The following DDX24 variants were observed in gnomAD, a reference collection of about 807,000 sequenced individuals.
The protein encoded by DDX24 is ATP-dependent RNA helicase DDX24.
A neutral mutation model predicts 68.9 loss-of-function variants in DDX24; 24 were observed. The observed-to-expected ratio is 0.35, with a 90% CI of 0.25 to 0.49. The LOEUF (loss-of-function observed/expected upper bound fraction) is 0.49. DDX24 is among the 20% of genes least tolerant of loss of function. DDX24 has a pLI of 0.99. For synonymous variants in DDX24, 395 were observed against 385.2 expected (o/e 1.03, Z -0.30); for missense variants, 989 against 1,039.0 (o/e 0.95, Z 0.66).
intron 6 of DDX24, chr14:94,056,344 G>C (rs911889520): frequency 6.6e-6 from 1 of 152,214 alleles, no homozygotes; most frequent in Non-Finnish European, 1.5e-5. Context: ...GCCAAGGCAG[G>C]ATTAGAAGGT....
At chr14:94,076,815 T>C (rs1885950676) in intron 2 of DDX24, among the ~76,000 whole-genome samples, 1 of 152,074 alleles carries the variant, frequency 6.6e-6, no homozygotes, top group South Asian at 2.1e-4. Context: ...AGGGTATCTT[T>C]TTGGGGGTAA....
intron 2 of DDX24, among the ~76,000 whole-genome samples, chr14:94,066,916 A>G (rs563784039): frequency 6.6e-6 from 1 of 152,332 alleles, no homozygotes; most frequent in Non-Finnish European, 1.5e-5. Context: ...GTAATATGAC[A>G]AAACAAGGCT....
At chr14:94,061,632 G>A (rs980573045) in intron 3 of DDX24, among the ~76,000 whole-genome samples, 1 of 152,202 alleles carries the variant, frequency 6.6e-6, no homozygotes, top group Non-Finnish European at 1.5e-5. Context: ...TTCCCTGAGA[G>A]AATTAAATCC....
At chr14:94,057,625 A>G (rs957951143) in intron 6 of DDX24, 197 bp downstream of exon 6, 44 of 545,782 alleles carry the variant, frequency 8.1e-5, no homozygotes, top group Non-Finnish European at 1.3e-4. Context: ...GCTACTTGAC[A>G]TGAGACAAAG....
rs1226845831 is a variant in DDX24, at chr14:94,053,084, C to T, written c.2222G>A (p.Arg741Gln). 23 of 1,614,064 alleles carry T rather than the reference C, an allele frequency of 1.4e-5. 1 individual carries two copies. Among genetic ancestry groups the T allele is most frequent in the South Asian group, 8.8e-5 (8 of 91,082 alleles). ...LARQIEKSEY[R>Q]NFQACLHNSW... ...GTTGTGCAGGCAAGCCTGGAAGTTC[C>T]GATACTCAGATTTCTCAATCTGTCG... The change falls in exon 8 of 9, where the codon CGG becomes CAG. Residue 741 changes from arginine (R) to glutamine (Q), a missense_variant. By Grantham distance (43) the Arg-to-Gln change is conservative. This residue lies in a region of DDX24 where 691 missense variants were observed against 760.0 expected (regional missense o/e 0.91). Transcript: ENST00000621632.
At chr14:94,073,680 A>T (rs1595380004) in intron 2 of DDX24, among the ~76,000 whole-genome samples, 1 of 152,222 alleles carries the variant, frequency 6.6e-6, no homozygotes, top group Non-Finnish European at 1.5e-5. Context: ...ACATGTATTC[A>T]CATAAACTGA....
intron 2 of DDX24, among the ~76,000 whole-genome samples, chr14:94,072,485 C>T (rs1885851552): frequency 6.6e-6 from 1 of 152,166 alleles, no homozygotes; most frequent in African/African-American, 2.4e-5. Context: ...TGAAATACTA[C>T]AAATATGGTG....
rs748435021 is a variant in DDX24, at chr14:94,060,890, A to G, written c.1397+23T>C. 8.1e-6 allele frequency: 13 copies of G among 1,612,532 alleles called. No homozygotes were observed. In the Admixed American group the frequency reaches 2.2e-4, roughly 27 times the overall value. On this transcript the variant is annotated intron_variant, in intron 4 of 8. Transcript: ENST00000621632. ...CATTTCAGAAAAGGCAGTGAGGGGGAAAAGAGAAGTGCCATCTATTACCTG... is the reference window on the plus strand; with the variant it reads ...CATTTCAGAAAAGGCAGTGAGGGGGGAAAGAGAAGTGCCATCTATTACCTG...
rs1885337452 is a variant in DDX24 at position 94,049,000 on chromosome 14, CTTATGTA to C, written c.*2184_*2190del. On this transcript the variant is annotated 3_prime_UTR_variant, in exon 9 of 9. Coordinates refer to ENST00000621632, the MANE Select transcript of DDX24 (RefSeq NM_020414.4). ...CCAAGAACTCTGCTTTTCCGTGGTG[CTTATGTA>C]TTAAGTAGATTAGCTGGGGAGGGAT... 6.6e-6 allele frequency: 1 copy of C among 152,240 alleles called. No homozygotes were observed. The highest frequency in any genetic ancestry group is 2.1e-4 in the South Asian group (1 of 4,834). The allele number at this position is 152,240 out of a possible 1,614,324, so 9.4% of individuals were successfully genotyped here. A position where few individuals can be genotyped will look rare whatever the true frequency, so the allele number is the denominator to read the frequency against.
chr14:94,056,739 A>G (rs895128121), intron 6 of DDX24: 2 of 152,188 alleles, frequency 1.3e-5, no homozygotes, highest in Non-Finnish European at 2.9e-5. Flanking sequence ...GGGAGGAGGG[A>G]CATCTTGTGG....
chr14:94,076,355 C>T (rs1885939275), intron 2 of DDX24, among the ~76,000 whole-genome samples: 1 of 152,134 alleles, frequency 6.6e-6, no homozygotes, highest in Non-Finnish European at 1.5e-5. Context: ...CCCTCCAGTA[C>T]ATATTATATG....
Position 94,050,884 on chromosome 14 carries a change from C to CT in DDX24, c.*306dup. On this transcript the variant is annotated 3_prime_UTR_variant, in exon 9 of 9. Transcript: ENST00000621632. ...CTACACCACCACCCCCATCTTCTAT[C>CT]TAAAAAAAAAAAAAAAAAATCAGGA... 1 of 268,170 alleles carries CT rather than the reference C, an allele frequency of 3.7e-6. No individual in the cohort carries two copies. The highest frequency in any genetic ancestry group is 6.5e-6 in the Non-Finnish European group (1 of 154,066). 16.6% of individuals were successfully genotyped at this position (268,170 alleles called of 1,614,324 possible). A position where few individuals can be genotyped will look rare whatever the true frequency, so the allele number is the denominator to read the frequency against.
chr14:94,079,072 G>A lies in DDX24; in HGVS notation c.671C>T (p.Ala224Val), dbSNP rs757718368. The change falls in exon 2 of 9, where the codon GCA (alanine) becomes GTA (valine). Residue 224 changes from alanine to valine, a missense_variant. By Grantham distance (64) the Ala-to-Val change is moderately conservative. Coordinates refer to ENST00000621632, the MANE Select transcript of DDX24 (RefSeq NM_020414.4). ...GTCCAGTTTGTCACGGATGGCAGGT[G>A]CCAAGGTCAGGGCTTGGATTGGTGT... is the stretch of plus-strand genomic sequence containing the variant. ...APTPIQALTLAPAIRDKLDIL... is the reference protein window; with the variant it reads ...APTPIQALTLVPAIRDKLDIL... 6.2e-7 allele frequency: 1 copy of A among 1,614,186 alleles called. No homozygotes were observed. The highest frequency in any genetic ancestry group is 8.5e-7 in the Non-Finnish European group (1 of 1,180,036).
chr14:94,055,451 TCA>T (rs1885475456), intron 6 of DDX24: 1 of 458,382 alleles, frequency 2.2e-6, no homozygotes, highest in African/African-American at 1.9e-5. Context: ...ACCACAGCAG[TCA>T]CTTCTTATCC....
intron 8 of DDX24, 52 bp from the exon 9 acceptor site, chr14:94,051,514 T>G (rs1885388953): frequency 1.3e-6 from 2 of 1,495,940 alleles, no homozygotes; most frequent in Non-Finnish European, 1.8e-6. Context: ...GTAGAAACAT[T>G]TTGTTTCCCT....
At chr14:94,080,958 G>A (rs1006389916) in intron 1 of DDX24, among the ~76,000 whole-genome samples, 161 bp downstream of exon 1, 1 of 152,178 alleles carries the variant, frequency 6.6e-6, no homozygotes, top group African/African-American at 2.4e-5. Flanking sequence ...CCCAAGGCGC[G>A]GGGACCGTGG....
At position 94,072,732 on chromosome 14, in the gene DDX24, G is replaced by A. The variant is rs1190865366; in HGVS notation, c.718+6293C>T. ...GTAGTTCAGCTACTTGGGAGGCTGAGGAAGGAGGATGGCTTGATCCCAGAA... is the reference window on the plus strand; with the variant it reads ...GTAGTTCAGCTACTTGGGAGGCTGAAGAAGGAGGATGGCTTGATCCCAGAA... On this transcript the variant is annotated intron_variant, in intron 2 of 8. Transcript: ENST00000621632. 1.3e-5 allele frequency among the ~76,000 whole-genome samples: 2 copies of A among 152,158 alleles called. 1 individual carries two copies. Among genetic ancestry groups the A allele is most frequent in the South Asian group, 4.1e-4 (2 of 4,832 alleles).
At position 94,080,934 on chromosome 14, in the gene DDX24, G is replaced by A. The variant is rs186118231; in HGVS notation, c.-6+185C>T. The stretch of plus-strand genomic sequence containing the variant: ...GAAGCCAAGGCCGTCAGGCTCTGAT[G>A]ACCGGACAAGGAGCCCAAGGCGCGG... On this transcript the variant is annotated intron_variant, in intron 1 of 8. Transcript: ENST00000621632. Among the ~76,000 whole-genome samples the A allele has an allele frequency of 1.1e-3, 161 of 152,284 alleles. 3 individuals are homozygous for A. In the South Asian group the frequency reaches 0.016, roughly 15 times the overall value.
chr14:94,070,176 A>C (rs1439624962), intron 2 of DDX24, among the ~76,000 whole-genome samples: 1 of 152,232 alleles, frequency 6.6e-6, no homozygotes, highest in Non-Finnish European at 1.5e-5. Flanking sequence ...TTCCGGATAC[A>C]AGATTAACGT....
Sources: gnomAD v4.1 joint callset for allele counts (sites outside exome capture counted in the v4.1 genomes callset) on GRCh38, gnomAD v4.1.1 for gene constraint, gnomAD v4.1.1 regional missense constraint, MANE v1.5 for transcripts, NCBI Gene and HGNC (gene_info 2026-07-23, HGNC 2026-07-21) for gene names.